ZNF343: variants seen among roughly 807,000 people sequenced by gnomAD.
ZNF343 encodes zinc finger protein 343.
ZNF343 carries 11 observed loss-of-function variants against 13.8 expected under a neutral mutation model. That is an observed-to-expected ratio of 0.80 (90% CI 0.50 to 1.32). The LOEUF (loss-of-function observed/expected upper bound fraction) is 1.32. Ranked by LOEUF, ZNF343 falls within the 40% of genes most tolerant of loss-of-function variation. The pLI, the probability that ZNF343 is intolerant of heterozygous loss-of-function variation, is 0.00. For missense variants in ZNF343, 658 were observed against 714.2 expected (o/e 0.92, Z 0.90); for synonymous variants, 248 against 260.0 (o/e 0.95, Z 0.44).
At chr20:2,486,992 G>T (rs896747587) in intron 5 of ZNF343, among the ~76,000 whole-genome samples, 2 of 152,142 alleles carry the variant, frequency 1.3e-5, no homozygotes, top group African/African-American at 4.8e-5. Flanking sequence ...AACAAAAGCA[G>T]CCATAAATAA....
Position 2,484,038 on chromosome 20 carries a change from T to C in ZNF343, c.923A>G (p.Gln308Arg). The change falls in exon 6 of 6, where the codon CAG (glutamine) becomes CGG (arginine). Residue 308 changes from glutamine (Q) to arginine (R), a missense_variant. By Grantham distance (43) the Gln-to-Arg change is conservative (BLOSUM62 1). Coordinates refer to ENST00000278772, the MANE Select transcript of ZNF343 (RefSeq NM_024325.6). ...CTGGTGTCTGCTGAGGTTGGACTTCTGGCTAAAACCTCGCCCGCACTCACT... is the reference window on the plus strand; with the variant it reads ...CTGGTGTCTGCTGAGGTTGGACTTCCGGCTAAAACCTCGCCCGCACTCACT... ...VCSECGRGFS[Q>R]KSNLSRHQRT... The C allele has an allele frequency of 1.2e-6, 2 of 1,614,178 alleles. No homozygotes were observed. Among genetic ancestry groups the C allele is most frequent in the African/African-American group, 1.3e-5 (1 of 75,054 alleles).
rs150718669 is a variant in ZNF343 at position 2,516,625 on chromosome 20, G to A, written c.-347+7830C>T. On this transcript the variant is annotated intron_variant, in intron 1 of 6. Coordinates refer to the ZNF343 transcript ENST00000358413. Reference sequence around the variant, plus strand: ...AGTGATGATGAGGGTCTGGTTTAGCGTCAAGGGCAAGTGTCAAGATGAAAC... The same window carrying A: ...AGTGATGATGAGGGTCTGGTTTAGCATCAAGGGCAAGTGTCAAGATGAAAC... Among the ~76,000 whole-genome samples, 883 of 152,156 alleles carry A rather than the reference G, an allele frequency of 5.8e-3. 8 individuals are homozygous for A. The highest frequency in any genetic ancestry group is 0.02 in the African/African-American group (823 of 41,510).
At chr20:2,497,877 CGGCTCCTTCATAT>C (rs1021391956) in intron 2 of ZNF343, among the ~76,000 whole-genome samples, 109 of 152,198 alleles carry the variant, frequency 7.2e-4, no homozygotes, top group South Asian at 2.7e-3. Context: ...CCACCCGCCC[CGGCTCCTTCATAT>C]GGCTCCTCCA....
At chr20:2,496,728 A>T (rs1174990442) in intron 2 of ZNF343, among the ~76,000 whole-genome samples, 1 of 152,102 alleles carries the variant, frequency 6.6e-6, no homozygotes, top group African/African-American at 2.4e-5. Flanking sequence ...GTCAGTTGTG[A>T]GATGAAAAAA....
intron 5 of ZNF343, among the ~76,000 whole-genome samples, chr20:2,489,449 G>A (rs561021786): frequency 2.6e-5 from 4 of 152,286 alleles, no homozygotes; most frequent in African/African-American, 4.8e-5. Context: ...TTCCCACCAC[G>A]ATGACATCAG....
chr20:2,493,153 G>A, intron 4 of ZNF343: 1 of 474,746 alleles, frequency 2.1e-6, no homozygotes, highest in South Asian at 2.3e-5. Context: ...ATTCAGAGAT[G>A]AAACAGCAGA....
At chr20:2,490,420 G>A (rs113971100) in intron 5 of ZNF343, among the ~76,000 whole-genome samples, 25 of 152,258 alleles carry the variant, frequency 1.6e-4, no homozygotes, top group African/African-American at 4.1e-4. Context: ...CAAAGGAAAC[G>A]ATTTCAAGGA....
At chr20:2,517,108 T>C (rs1447036969) in intron 1 of ZNF343, among the ~76,000 whole-genome samples, 3 of 152,102 alleles carry the variant, frequency 2.0e-5, no homozygotes, top group African/African-American at 7.2e-5. Context: ...CCAACTAAGG[T>C]TCAAGTCCAG....
At chr20:2,490,919 A>G (rs1413255914) in intron 5 of ZNF343, among the ~76,000 whole-genome samples, 1 of 152,228 alleles carries the variant, frequency 6.6e-6, no homozygotes, top group African/African-American at 2.4e-5. Flanking sequence ...ATGAATCTAC[A>G]GTGATTTAGA....
rs2085405423 is a variant in ZNF343, at chr20:2,493,611, A to G, written c.119-34T>C. On this transcript the variant is annotated intron_variant, in intron 3 of 5. Coordinates refer to ENST00000278772, the MANE Select transcript of ZNF343 (RefSeq NM_024325.6). ...AGAAAAAGAAGCTATGAGAAACCAG[A>G]CCCCCCCACCCCCCACCCCCCACCA... 2.7e-6 allele frequency: 3 copies of G among 1,111,008 alleles called. No homozygotes were observed. The East Asian group carries it at 1.1e-4, about 41-fold the overall frequency. The allele number at this position is 1,111,008 out of a possible 1,614,324, so 68.8% of individuals were successfully genotyped here. A position where few individuals can be genotyped will look rare whatever the true frequency, so the allele number is the denominator to read the frequency against.
At chr20:2,500,617 A>G (rs6114605) in intron 2 of ZNF343, 39 bp downstream of exon 2, 24,637 of 152,100 alleles carry the variant, frequency 0.16, 2,573 homozygotes, top group African/African-American at 0.29. Flanking sequence ...TTCGAGCAGA[A>G]AAGACGCTAT....
chr20:2,507,374 T>C (rs118113628), intron 1 of ZNF343, among the ~76,000 whole-genome samples: 16 of 152,040 alleles, frequency 1.1e-4, no homozygotes, highest in Non-Finnish European at 1.8e-4. Flanking sequence ...CAGAACCATG[T>C]GGGGACATCA....
At chr20:2,513,581 A>G (rs2085747145), upstream of ZNF343, among the ~76,000 whole-genome samples, 1 of 152,242 alleles carries the variant, frequency 6.6e-6, no homozygotes, top group Non-Finnish European at 1.5e-5. Flanking sequence ...GTGGTTCCTT[A>G]ATAAGTTAAA....
chr20:2,483,943 G>A lies in ZNF343; in HGVS notation c.1018C>T (p.Leu340Phe). 1.2e-6 allele frequency: 2 copies of A among 1,614,100 alleles called. No homozygotes were observed. Among genetic ancestry groups the A allele is most frequent in the Non-Finnish European group, 8.5e-7 (1 of 1,180,016 alleles). The change falls in exon 6 of 6, where the codon CTC (leucine) becomes TTC (phenylalanine). Residue 340 changes from leucine (L) to phenylalanine (F), a missense_variant. By Grantham distance (22) the Leu-to-Phe change is conservative. Coordinates refer to ENST00000278772, the MANE Select transcript of ZNF343 (RefSeq NM_024325.6). ...GAGTGAGTCCACTGATGTCTATTGA[G>A]GATGGACTTACTTCTAAAGCTTTGC... Reference protein sequence around the residue: ...CGQSFRSKSILNRHQWTHSEE... With the variant: ...CGQSFRSKSIFNRHQWTHSEE...
upstream of ZNF343, among the ~76,000 whole-genome samples, chr20:2,509,859 C>A (rs151175940): frequency 6.6e-6 from 1 of 152,276 alleles, no homozygotes; most frequent in Non-Finnish European, 1.5e-5. Context: ...CCTGACCTCA[C>A]GCCCTTGGAG....
At chr20:2,502,139 C>A (rs2122690419) in intron 1 of ZNF343, among the ~76,000 whole-genome samples, 1 of 152,268 alleles carries the variant, frequency 6.6e-6, no homozygotes, top group Non-Finnish European at 1.5e-5. Context: ...GAGCTGAAAA[C>A]CATGGCACGA....
intron 1 of ZNF343, among the ~76,000 whole-genome samples, chr20:2,517,403 G>GTA (rs1678811004): frequency 6.6e-6 from 1 of 151,146 alleles, no homozygotes; most frequent in Non-Finnish European, 1.5e-5. Context: ...TGATGTATAT[G>GTA]TATATATATA....
chr20:2,483,119 T>A lies in ZNF343; in HGVS notation c.*42A>T. On this transcript the variant is annotated 3_prime_UTR_variant, in exon 6 of 6. Transcript: ENST00000278772. The stretch of plus-strand genomic sequence containing the variant: ...GGTAACATGAGGCTTGACTGGTCAC[T>A]CAGGTCTTGTTCATGACCCCTGCAT... 2.6e-6 allele frequency: 4 copies of A among 1,561,862 alleles called. No individual in the cohort carries two copies. The South Asian group carries it at 4.9e-5, about 19-fold the overall frequency.
intron 1 of ZNF343, among the ~76,000 whole-genome samples, chr20:2,516,316 C>T (rs1481468193): frequency 1.3e-5 from 2 of 151,940 alleles, no homozygotes; most frequent in Non-Finnish European, 2.9e-5. Flanking sequence ...TGGAGCGAGA[C>T]CCTGTCTTCA....
Sources: allele counts gnomAD v4.1 joint callset (sites outside exome capture counted in the v4.1 genomes callset), GRCh38; gene constraint gnomAD v4.1.1; transcripts MANE v1.5; gene names NCBI Gene and HGNC (gene_info 2026-07-23, HGNC 2026-07-21).